The following ABCA5 variants were observed in gnomAD, a reference collection of about 807,000 sequenced individuals.
ABCA5 encodes ATP binding cassette subfamily A member 5, also known as cholesterol transporter ABCA5.
A neutral mutation model predicts 206.0 loss-of-function variants in ABCA5; 163 were observed. That is an observed-to-expected ratio of 0.79 (90% CI 0.70 to 0.90). The LOEUF is 0.90. ABCA5 is among the 40% of genes least tolerant of loss of function. ABCA5 has a pLI of 0.00. For synonymous variants in ABCA5, 609 were observed against 613.8 expected, an observed-to-expected ratio of 0.99 and a Z score of 0.11; for missense variants, 1,859 against 1,912.9, an observed-to-expected ratio of 0.97 and a Z score of 0.53.
chr17:69,248,312 GT>G lies in ABCA5; in HGVS notation c.4770del (p.Lys1590AsnfsTer21). 1 of 1,555,816 alleles carries G rather than the reference GT, an allele frequency of 6.4e-7. No individual in the cohort carries two copies. The highest frequency in any genetic ancestry group is 8.8e-7 in the Non-Finnish European group (1 of 1,138,378). On this transcript the variant is annotated frameshift_variant, in exon 38 of 39. Transcript: ENST00000392676. LOFTEE classifies it high-confidence loss of function. ...SQSFFKLEEA[K>X]HAFAIEEYSF... ...CTATATTCTTCAATGGCAAAAGCAT[GT>G]TTAGCTATTAAAATATAAAAATAGT...
intron 10 of ABCA5, among the ~76,000 whole-genome samples, chr17:69,295,128 A>G (rs928388221): frequency 1.3e-5 from 2 of 152,210 alleles, no homozygotes; most frequent in Non-Finnish European, 2.9e-5. Context: ...ATATATTTAC[A>G]TTATTATACT....
chr17:69,313,614 CAT>C (rs1389240449), intron 2 of ABCA5, among the ~76,000 whole-genome samples: 2 of 151,990 alleles, frequency 1.3e-5, no homozygotes, highest in Non-Finnish European at 2.9e-5. Context: ...TAAATTTACT[CAT>C]ATAATTTTAT....
chr17:69,253,529 C>T (rs1465464058), intron 34 of ABCA5, 44 bp downstream of exon 34: 1 of 1,306,628 alleles, frequency 7.7e-7, no homozygotes, highest in South Asian at 1.3e-5. Context: ...AGAAACTGTT[C>T]TATTCTAAAG....
chr17:69,253,182 G>A (rs1435279271), intron 34 of ABCA5, among the ~76,000 whole-genome samples: 1 of 152,058 alleles, frequency 6.6e-6, no homozygotes, highest in Non-Finnish European at 1.5e-5. Flanking sequence ...TTCTCAGAAT[G>A]TATCTCTGTC....
Position 69,247,079 on chromosome 17 carries a change from T to C in ABCA5, c.*458A>G, listed in dbSNP as rs903757289. 2.6e-5 allele frequency: 4 copies of C among 152,138 alleles called. No individual in the cohort carries two copies. Among genetic ancestry groups the C allele is most frequent in the African/African-American group, 9.7e-5 (4 of 41,448 alleles). 9.4% of individuals were successfully genotyped at this position (152,138 alleles called of 1,614,324 possible). ...CAACTTCCATTCAAAGTGGCTTTTT[T>C]AGAAATTAAAAAGGAGAAGCAAGAA... On this transcript the variant is annotated 3_prime_UTR_variant, in exon 39 of 39. Coordinates refer to ENST00000392676, the MANE Select transcript of ABCA5 (RefSeq NM_172232.4).
chr17:69,277,519 G>A, intron 19 of ABCA5, 122 bp downstream of exon 19: 1 of 723,526 alleles, frequency 1.4e-6, no homozygotes, highest in South Asian at 2.5e-5. Context: ...AATTACAGTG[G>A]TAATCTTTCG....
Position 69,326,560 on chromosome 17 carries a change from C to T in ABCA5, c.-16+492G>A, listed in dbSNP as rs1034121428. Among the ~76,000 whole-genome samples, 4 of 152,212 alleles carry T rather than the reference C, an allele frequency of 2.6e-5. No individual in the cohort carries two copies. The highest frequency in any genetic ancestry group is 4.4e-5 in the Non-Finnish European group (3 of 68,042). The stretch of plus-strand genomic sequence containing the variant: ...GCGCATTTTCTTCTCACTGAAACTC[C>T]TTTTAACACGCAAGGTAATGATCCG... On this transcript the variant is annotated intron_variant, in intron 1 of 38. Coordinates refer to ENST00000392676, the MANE Select transcript of ABCA5 (RefSeq NM_172232.4). This position sits in a 1 kb window ranked among gnomAD's most constrained non-coding sequence, Gnocchi z 4.8.
intron 37 of ABCA5, chr17:69,249,636 A>ACC (rs1305435591): frequency 1.5e-5 from 6 of 404,528 alleles, no homozygotes; most frequent in Non-Finnish European, 2.7e-5. Context: ...ACATTACAAT[A>ACC]GAGTTTATCT....
chr17:69,267,211 G>C (rs1283478204), intron 23 of ABCA5, among the ~76,000 whole-genome samples: 2 of 151,994 alleles, frequency 1.3e-5, no homozygotes, highest in African/African-American at 4.8e-5. Context: ...AAAATAATGA[G>C]CTCATTATTC....
Position 69,293,833 on chromosome 17 carries a change from G to GGTGTGTGTGTGT in ABCA5, c.1495+810_1495+821dup, listed in dbSNP as rs61315865. Reference sequence around the variant, plus strand: ...TAATCCCCCACCCTACAATCATACTGGTGTGTGTGTGTGTGTGTGTGTGTG... The same window carrying GGTGTGTGTGTGT: ...TAATCCCCCACCCTACAATCATACTGGTGTGTGTGTGTGTGTGTGTGTGTGTGTGTGTGTGTG... On this transcript the variant is annotated intron_variant, in intron 11 of 38. Coordinates refer to ENST00000392676, the MANE Select transcript of ABCA5 (RefSeq NM_172232.4). Among the ~76,000 whole-genome samples the GGTGTGTGTGTGT allele has an allele frequency of 1.6e-3, 202 of 123,740 alleles. 1 individual carries two copies. Among genetic ancestry groups the GGTGTGTGTGTGT allele is most frequent in the East Asian group, 6.5e-3 (25 of 3,818 alleles). The allele number at this position is 123,740 out of a possible 152,430, so 81.2% of individuals were successfully genotyped here. A position where few individuals can be genotyped will look rare whatever the true frequency, so the allele number is the denominator to read the frequency against.
intron 1 of ABCA5, among the ~76,000 whole-genome samples, chr17:69,324,667 T>G (rs2075886282): frequency 6.6e-6 from 1 of 152,218 alleles, no homozygotes; most frequent in African/African-American, 2.4e-5. Context: ...TGAATCCTAC[T>G]TTACTGAGAA....
intron 35 of ABCA5, chr17:69,251,477 C>G: frequency 5.5e-6 from 2 of 364,178 alleles, no homozygotes; most frequent in Non-Finnish European, 9.7e-6. Context: ...CATAATTAAT[C>G]CAATATATAA....
rs142447746 is a variant in ABCA5, at chr17:69,271,639, AGCT to A, written c.2765-353_2765-351del. 6.9e-3 allele frequency among the ~76,000 whole-genome samples: 1,041 copies of A among 151,522 alleles called. 16 individuals carry two copies. The highest frequency in any genetic ancestry group is 0.023 in the African/African-American group (939 of 41,474). ...GACACATAGTAACTGCGCATATTTT[AGCT>A]GCTGCTGCTGCTGCTGCCACCACTG... is the stretch of plus-strand genomic sequence containing the variant. On this transcript the variant is annotated intron_variant, in intron 20 of 38. Transcript: ENST00000392676.
chr17:69,313,271 A>G lies in ABCA5; in HGVS notation c.128T>C (p.Leu43Ser). The stretch of plus-strand genomic sequence containing the variant: ...CATGCTAATTAATATTAACCAAAAT[A>G]AAAAAAATAGTGGAAAAAGAATTTC... ...VQEILFPLFF[L>S]FWLILISMMH... The change falls in exon 3 of 39, where the codon TTA becomes TCA. Residue 43 changes from leucine to serine, a missense_variant. Coordinates refer to ENST00000392676, the MANE Select transcript of ABCA5 (RefSeq NM_172232.4). 2 of 1,388,316 alleles carry G rather than the reference A, an allele frequency of 1.4e-6. No homozygotes were observed. The highest frequency in any genetic ancestry group is 2.0e-6 in the Non-Finnish European group (2 of 1,004,114). 86.0% of individuals were successfully genotyped at this position (1,388,316 alleles called of 1,614,324 possible).
intron 18 of ABCA5, 94 bp from the exon 19 acceptor site, chr17:69,277,936 C>A: frequency 2.2e-6 from 2 of 922,038 alleles, no homozygotes; most frequent in South Asian, 2.1e-5. Flanking sequence ...ATTGGTCTGG[C>A]AGTTATGTGG....
At chr17:69,274,570 G>GA (rs141001053) in intron 19 of ABCA5, among the ~76,000 whole-genome samples, 52 of 139,258 alleles carry the variant, frequency 3.7e-4, no homozygotes, top group African/African-American at 1.2e-3. Flanking sequence ...GATAATCACT[G>GA]AAAAAAACAA....
intron 2 of ABCA5, among the ~76,000 whole-genome samples, chr17:69,314,030 T>G (rs1390705588): frequency 6.6e-6 from 1 of 152,154 alleles, no homozygotes; most frequent in Non-Finnish European, 1.5e-5. Flanking sequence ...TGTGGAATGT[T>G]AGTTCATGAA....
chr17:69,288,727 A>C, intron 14 of ABCA5, among the ~76,000 whole-genome samples: 1 of 105,082 alleles, frequency 9.5e-6, no homozygotes, highest in South Asian at 2.6e-4. Flanking sequence ...AAGAAGAAAG[A>C]AAGAAAGAAA....
rs1242916433 is a variant in ABCA5, at chr17:69,260,515, TAA to T, written c.3565-105_3565-104del. 7 of 761,722 alleles carry T rather than the reference TAA, an allele frequency of 9.2e-6. No homozygotes were observed. The East Asian group carries it at 1.7e-4, about 18-fold the overall frequency. 47.2% of individuals were successfully genotyped at this position (761,722 alleles called of 1,614,324 possible). On this transcript the variant is annotated intron_variant, in intron 26 of 38. Transcript: ENST00000392676. ...TTTAGCAAACGTGTACTTTCTATAA[TAA>T]GTTAGCTGTTCATATTAGTAAGTTA...
Sources: allele counts gnomAD v4.1 joint callset (sites outside exome capture counted in the v4.1 genomes callset), GRCh38; gene constraint gnomAD v4.1.1; non-coding constraint Gnocchi (gnomAD v3.1); transcripts MANE v1.5; gene names NCBI Gene and HGNC (gene_info 2026-07-23, HGNC 2026-07-21).